OSBP2: variants seen among roughly 807,000 people sequenced by gnomAD.
OSBP2 encodes the protein oxysterol binding protein 2.
OSBP2 carries 66 observed loss-of-function variants against 96.0 expected under a neutral mutation model. The observed-to-expected ratio is 0.69, with a 90% CI of 0.56 to 0.84. The LOEUF (loss-of-function observed/expected upper bound fraction) is 0.84, where lower values mean the gene tolerates loss of function less well. Ranked by LOEUF, OSBP2 falls within the 40% of genes least tolerant of loss-of-function variation. The pLI is 0.00. For missense variants in OSBP2, 1,038 were observed against 1,222.7 expected (o/e 0.85, Z 2.25); for synonymous variants, 525 against 520.9 (o/e 1.01, Z -0.11).
chr22:30,878,542 G>A (rs2039633646), intron 3 of OSBP2, among the ~76,000 whole-genome samples: 1 of 152,186 alleles, frequency 6.6e-6, no homozygotes, highest in South Asian at 2.1e-4. Flanking sequence ...GATGCAGGAG[G>A]GTCTTTCCCA....
At chr22:30,862,977 GAAAA>G (rs953540111) in intron 2 of OSBP2, among the ~76,000 whole-genome samples, 1 of 138,906 alleles carries the variant, frequency 7.2e-6, no homozygotes, top group Non-Finnish European at 1.6e-5. Context: ...AAAAAAAAAA[GAAAA>G]AAAGAAAAAA....
intron 2 of OSBP2, among the ~76,000 whole-genome samples, chr22:30,829,224 C>T (rs2038469236): frequency 6.6e-6 from 1 of 152,192 alleles, no homozygotes; most frequent in Non-Finnish European, 1.5e-5. Flanking sequence ...TGTGGGCTCA[C>T]TTGGCACCTC....
At chr22:30,807,111 C>T (rs555534037) in intron 2 of OSBP2, among the ~76,000 whole-genome samples, 18 of 152,206 alleles carry the variant, frequency 1.2e-4, no homozygotes, top group Non-Finnish European at 2.2e-4. Context: ...TTGCTCTTTC[C>T]ACTGAATGGC....
chr22:30,819,660 A>G (rs2091124243), intron 2 of OSBP2, among the ~76,000 whole-genome samples: 1 of 152,234 alleles, frequency 6.6e-6, no homozygotes, highest in Non-Finnish European at 1.5e-5. Context: ...TAAAATGATT[A>G]CATAGAAAAG....
chr22:30,739,726 T>C (rs1212467473), intron 1 of OSBP2, among the ~76,000 whole-genome samples: 2 of 152,066 alleles, frequency 1.3e-5, no homozygotes, highest in Admixed American at 6.6e-5. Flanking sequence ...GGAATTGCAA[T>C]AGAGAAAGAG....
chr22:30,897,276 G>A (rs1408916050), intron 12 of OSBP2, among the ~76,000 whole-genome samples: 2 of 152,142 alleles, frequency 1.3e-5, no homozygotes, highest in African/African-American at 2.4e-5. Flanking sequence ...TGGGAAATTA[G>A]GAAGTTTCTG....
chr22:30,752,116 C>T lies in OSBP2; in HGVS notation c.853+10747C>T, dbSNP rs895746071. On this transcript the variant is annotated intron_variant, in intron 2 of 13. Coordinates refer to ENST00000332585, the MANE Select transcript of OSBP2 (RefSeq NM_030758.4). ...GGTGTTGGAGCAGAGTGCTGTTCAG[C>T]GGCACCCAGCCACCTCTGCTCACTG... is the stretch of plus-strand genomic sequence containing the variant. Among the ~76,000 whole-genome samples, 24 of 152,044 alleles carry T rather than the reference C, an allele frequency of 1.6e-4. 1 individual carries two copies. Among genetic ancestry groups the T allele is most frequent in the Admixed American group, 6.6e-4 (10 of 15,266 alleles).
intron 1 of OSBP2, among the ~76,000 whole-genome samples, chr22:30,735,410 C>CTTTTTTTT (rs774749546): frequency 1.9e-4 from 19 of 100,608 alleles, no homozygotes; most frequent in East Asian, 2.8e-4. Context: ...TCTTCTCTCT[C>CTTTTTTTT]TTTTTTTTTT....
chr22:30,861,734 T>C (rs542675963), intron 2 of OSBP2, among the ~76,000 whole-genome samples: 1 of 152,296 alleles, frequency 6.6e-6, no homozygotes, highest in Admixed American at 6.5e-5. Context: ...CAGGGCCCAC[T>C]TTGGGTAAGG....
At chr22:30,709,479 G>A (rs757823556) in intron 1 of OSBP2, among the ~76,000 whole-genome samples, 3 of 151,952 alleles carry the variant, frequency 2.0e-5, no homozygotes, top group Non-Finnish European at 4.4e-5. Flanking sequence ...AGCTAGTGAT[G>A]ATCAATCTTA....
At chr22:30,736,743 A>G (rs2089861714) in intron 1 of OSBP2, among the ~76,000 whole-genome samples, 1 of 152,210 alleles carries the variant, frequency 6.6e-6, no homozygotes, top group South Asian at 2.1e-4. Flanking sequence ...AACTCCAAAC[A>G]TTATTCAAAT....
chr22:30,859,311 C>A (rs566638669), intron 2 of OSBP2, among the ~76,000 whole-genome samples: 6 of 152,318 alleles, frequency 3.9e-5, no homozygotes, highest in African/African-American at 1.4e-4. Context: ...CAAATACTCA[C>A]CTTAGAACAA....
intron 2 of OSBP2, among the ~76,000 whole-genome samples, chr22:30,799,084 C>T (rs552876379): frequency 4.0e-5 from 6 of 148,752 alleles, no homozygotes; most frequent in African/African-American, 1.5e-4. Flanking sequence ...TTCCTTCCTT[C>T]CTTCCTTCCT....
At chr22:30,896,030 T>A (rs568675272) in intron 12 of OSBP2, among the ~76,000 whole-genome samples, 1 of 151,706 alleles carries the variant, frequency 6.6e-6, no homozygotes, top group East Asian at 1.9e-4. Context: ...TTTGTTGTTG[T>A]TTGTTTTGAG....
intron 1 of OSBP2, among the ~76,000 whole-genome samples, chr22:30,738,224 C>CTGG (rs1167549752): frequency 6.6e-6 from 1 of 152,040 alleles, no homozygotes; most frequent in Non-Finnish European, 1.5e-5. Context: ...TGCCCCTCAC[C>CTGG]TGGTGGTCTT....
At chr22:30,846,804 A>C (rs957125806) in intron 2 of OSBP2, among the ~76,000 whole-genome samples, 1 of 152,106 alleles carries the variant, frequency 6.6e-6, no homozygotes, top group African/African-American at 2.4e-5. Context: ...ACCTCACTTA[A>C]TATGTGTTAT....
intron 3 of OSBP2, among the ~76,000 whole-genome samples, chr22:30,874,889 C>T (rs186744541): frequency 5.7e-4 from 87 of 152,288 alleles, no homozygotes; most frequent in Admixed American, 4.0e-3. Context: ...TTGGCTGGGA[C>T]CCCGGCTCCC....
chr22:30,695,322 G>T lies in OSBP2; in HGVS notation c.413G>T (p.Arg138Ile), dbSNP rs1349166064. Residue 138 changes from arginine to isoleucine, a missense_variant, in exon 1 of 14, where the codon AGA becomes ATA. Physicochemically the swap from Arg to Ile is moderately conservative, Grantham distance 97. This residue lies in a region of OSBP2 where 281 missense variants were observed against 273.4 expected (regional missense o/e 1.03). Coordinates refer to ENST00000332585, the MANE Select transcript of OSBP2 (RefSeq NM_030758.4). ...SRAVGSATFL[R>I]PESGSLPALK... ...GCGGTGGGGAGCGCGACCTTTCTCAGACCCGAGTCAGGATCGCTGCCAGCG... is the reference window on the plus strand; with the variant it reads ...GCGGTGGGGAGCGCGACCTTTCTCATACCCGAGTCAGGATCGCTGCCAGCG... The T allele has an allele frequency of 6.2e-7, 1 of 1,613,502 alleles. No individual in the cohort carries two copies. Among genetic ancestry groups the T allele is most frequent in the African/African-American group, 1.3e-5 (1 of 75,056 alleles).
chr22:30,846,338 G>C (rs139780540), intron 2 of OSBP2, among the ~76,000 whole-genome samples: 10,056 of 151,942 alleles, frequency 0.066, 346 homozygotes, highest in Non-Finnish European at 0.079. Context: ...GTAGAGACAG[G>C]GTCTCACCAT....
Sources: allele counts gnomAD v4.1 joint callset (sites outside exome capture counted in the v4.1 genomes callset), GRCh38; gene constraint gnomAD v4.1.1; regional missense constraint gnomAD v4.1.1; transcripts MANE v1.5; gene names NCBI Gene and HGNC (gene_info 2026-07-23, HGNC 2026-07-21).